PARP15: variants seen among roughly 807,000 people sequenced by gnomAD.
The protein encoded by PARP15 is protein mono-ADP-ribosyltransferase PARP15.
PARP15 carries 50 observed loss-of-function variants against 62.1 expected under a neutral mutation model. The ratio of observed to expected loss-of-function variants is 0.81; its 90% CI spans 0.64 to 1.02. The LOEUF (loss-of-function observed/expected upper bound fraction) is 1.02. Among genes scored for constraint, PARP15 ranks in the 50% least tolerant of loss-of-function variants. PARP15 has a pLI of 0.00. For missense variants in PARP15, 820 were observed against 826.5 expected (o/e 0.99, Z 0.10); for synonymous variants, 309 against 293.1 (o/e 1.05, Z -0.55).
intron 8 of PARP15, among the ~76,000 whole-genome samples, chr3:122,625,346 C>T (rs973441666): frequency 2.0e-5 from 3 of 152,122 alleles, no homozygotes; most frequent in Non-Finnish European, 4.4e-5. Flanking sequence ...CTCCACCTCC[C>T]TGGTTCAAGT....
intron 1 of PARP15, among the ~76,000 whole-genome samples, chr3:122,605,270 A>G (rs1351420480): frequency 6.6e-6 from 1 of 152,122 alleles, no homozygotes; most frequent in Non-Finnish European, 1.5e-5. Context: ...CAGCAAGCCA[A>G]ATGAGATTTG....
chr3:122,608,210 T>C (rs1182480983), intron 2 of PARP15, among the ~76,000 whole-genome samples: 2 of 140,898 alleles, frequency 1.4e-5, no homozygotes, highest in East Asian at 1.9e-4. Flanking sequence ...TTCTTTCTCT[T>C]TTCTTTTTTT....
intron 8 of PARP15, among the ~76,000 whole-genome samples, chr3:122,625,301 T>C (rs979041820): frequency 1.3e-5 from 2 of 152,196 alleles, no homozygotes; most frequent in Admixed American, 6.5e-5. Flanking sequence ...TCACCCAGGC[T>C]GGAGTTCAGT....
At chr3:122,615,545 C>T in intron 4 of PARP15, 2 of 1,142,088 alleles carry the variant, frequency 1.8e-6, no homozygotes, top group Middle Eastern at 2.2e-4. Context: ...CCCCTGCTGA[C>T]ATACTTGCCT....
intron 1 of PARP15, among the ~76,000 whole-genome samples, chr3:122,588,410 A>T (rs2107812516): frequency 6.6e-6 from 1 of 151,358 alleles, no homozygotes; most frequent in African/African-American, 2.4e-5. Flanking sequence ...CTTTATTAAG[A>T]TATAATTTAC....
At chr3:122,584,734 T>A (rs143354422) in intron 1 of PARP15, among the ~76,000 whole-genome samples, 164 of 152,136 alleles carry the variant, frequency 1.1e-3, no homozygotes, top group African/African-American at 3.8e-3. Flanking sequence ...TGTGTGACCA[T>A]GCCTGGCTAA....
In PARP15 at chr3:122,615,390, C is replaced by G. The variant is rs534394475; in HGVS notation, c.772-389C>G. The G allele has an allele frequency of 2.9e-5, 37 of 1,297,412 alleles. No individual in the cohort carries two copies. The East Asian group carries it at 1.3e-3, about 47-fold the overall frequency. 80.4% of individuals were successfully genotyped at this position (1,297,412 alleles called of 1,614,324 possible). Reference sequence around the variant, plus strand: ...AAAGATGCCAAGGAACGTTGTTGCCCTGCCCCCTGCTCACCTACAAATACT... The same window carrying G: ...AAAGATGCCAAGGAACGTTGTTGCCGTGCCCCCTGCTCACCTACAAATACT... On this transcript the variant is annotated intron_variant, in intron 4 of 11. Transcript: ENST00000464300.
chr3:122,621,790 T>A (rs1203998936), intron 8 of PARP15, among the ~76,000 whole-genome samples, 179 bp downstream of exon 8: 1 of 152,126 alleles, frequency 6.6e-6, no homozygotes. Flanking sequence ...GAAGCCTCTT[T>A]CCTCCATCTT....
In PARP15 at chr3:122,577,702, T is replaced by C. The variant is rs940589905; in HGVS notation, c.35T>C (p.Leu12Pro). Residue 12 changes from leucine (L) to proline (P), a missense_variant, in exon 1 of 12, where the codon CTG becomes CCG. By Grantham distance (98) the Leu-to-Pro change is moderately conservative. Transcript: ENST00000464300. ...CCAGGCCCCCTTCCTGCCGCTGCTC[T>C]GAGTCCAGGGGCTCCGACCCCCAGA... ...AAPGPLPAAA[L>P]SPGAPTPREL... is the part of the protein sequence containing the mutation. 6.4e-7 allele frequency: 1 copy of C among 1,551,670 alleles called. No homozygotes were observed. The highest frequency in any genetic ancestry group is 8.7e-7 in the Non-Finnish European group (1 of 1,146,960).
Position 122,580,045 on chromosome 3 carries a change from G to A in PARP15, c.186+2192G>A, listed in dbSNP as rs868178431. 5.1e-4 allele frequency among the ~76,000 whole-genome samples: 62 copies of A among 122,230 alleles called. 1 individual carries two copies. Among genetic ancestry groups the A allele is most frequent in the African/African-American group, 1.5e-3 (52 of 34,072 alleles). 80.2% of individuals were successfully genotyped at this position (122,230 alleles called of 152,430 possible). A position where few individuals can be genotyped will look rare whatever the true frequency, so the allele number is the denominator to read the frequency against. On this transcript the variant is annotated intron_variant, in intron 1 of 11. Transcript: ENST00000464300. ...TATATATATATATATATGCACGCGCGCACACACACACACAGAGACATTTGT... is the reference window on the plus strand; with the variant it reads ...TATATATATATATATATGCACGCGCACACACACACACACAGAGACATTTGT...
At position 122,613,282 on chromosome 3, in the gene PARP15, T is replaced by A. The variant is rs547652834; in HGVS notation, c.771+14T>A. The A allele has an allele frequency of 7.5e-5, 114 of 1,519,544 alleles. No individual in the cohort carries two copies. The African/African-American group carries it at 1.3e-3, about 17-fold the overall frequency. 94.1% of individuals were successfully genotyped at this position (1,519,544 alleles called of 1,614,324 possible). A position where few individuals can be genotyped will look rare whatever the true frequency, so the allele number is the denominator to read the frequency against. On this transcript the variant is annotated intron_variant, in intron 4 of 11. Transcript: ENST00000464300. Reference sequence around the variant, plus strand: ...GAAGGCTGTCAGGTATGGTTACATATCCCATCTGGTTAATTCTGGCAAGTG... The same window carrying A: ...GAAGGCTGTCAGGTATGGTTACATAACCCATCTGGTTAATTCTGGCAAGTG...
intron 1 of PARP15, among the ~76,000 whole-genome samples, chr3:122,584,851 T>C (rs1933294224): frequency 1.3e-5 from 2 of 152,186 alleles, no homozygotes; most frequent in African/African-American, 4.8e-5. Context: ...GTGCTGGGAT[T>C]ACAGGCATGA....
chr3:122,605,794 C>A (rs2107523336), intron 1 of PARP15, 142 bp from the exon 2 acceptor site: 1 of 721,718 alleles, frequency 1.4e-6, no homozygotes, highest in Non-Finnish European at 2.2e-6. Flanking sequence ...GTTGCCCAAG[C>A]TGTTCTTGAA....
At chr3:122,582,199 T>A (rs1356537358) in intron 1 of PARP15, among the ~76,000 whole-genome samples, 1 of 151,034 alleles carries the variant, frequency 6.6e-6, no homozygotes. Flanking sequence ...TGAAACAAGG[T>A]CTCCCTCTGT....
At chr3:122,586,299 T>G (rs574527974) in intron 1 of PARP15, among the ~76,000 whole-genome samples, 3 of 152,174 alleles carry the variant, frequency 2.0e-5, no homozygotes, top group African/African-American at 7.2e-5. Flanking sequence ...CTGGAACTCC[T>G]GTGTTCAAGT....
rs535611677 is a variant in PARP15 at position 122,632,364 on chromosome 3, C to A, written c.1572+145C>A. 9.4e-4 allele frequency: 728 copies of A among 773,314 alleles called. 11 individuals carry two copies. In the South Asian group the frequency reaches 0.012, roughly 13 times the overall value. 47.9% of individuals were successfully genotyped at this position (773,314 alleles called of 1,614,324 possible). A position where few individuals can be genotyped will look rare whatever the true frequency, so the allele number is the denominator to read the frequency against. The stretch of plus-strand genomic sequence containing the variant: ...AGACTTACTCAAGTTCCATAGACTT[C>A]AAATCTCATAGTTTATTCATTAGCA... On this transcript the variant is annotated intron_variant, in intron 10 of 11. Transcript: ENST00000464300.
intron 1 of PARP15, among the ~76,000 whole-genome samples, chr3:122,593,090 G>GTCTGTCTATCTATCTATCTA (rs1553727450): frequency 1.6e-4 from 24 of 147,866 alleles, no homozygotes; most frequent in Admixed American, 6.8e-4. Context: ...AAAATTATCT[G>GTCTGTCTATCTATCTATCTA]TCTATCTATC....
At chr3:122,612,988 G>GT (rs1466314906) in intron 3 of PARP15, 53 bp from the exon 4 acceptor site, 1 of 1,460,504 alleles carries the variant, frequency 6.8e-7, no homozygotes, top group African/African-American at 1.4e-5. Context: ...AACTCTTTCT[G>GT]TTTTCCGCTA....
In PARP15 at chr3:122,635,916, T is replaced by C. The variant is rs1322604313; in HGVS notation, c.1853T>C (p.Val618Ala). Reference sequence around the variant, plus strand: ...AATGGGAGAAAGCACATGTACGTTGTGCGAGTACTTACTGGAGTCTTCACA... The same window carrying C: ...AATGGGAGAAAGCACATGTACGTTGCGCGAGTACTTACTGGAGTCTTCACA... Reference protein sequence around the residue: ...DSNGRKHMYVVRVLTGVFTKG... With the variant: ...DSNGRKHMYVARVLTGVFTKG... Residue 618 changes from valine (V) to alanine (A), a missense_variant, in exon 12 of 12, where the codon GTG (valine) becomes GCG (alanine). Coordinates refer to ENST00000464300, the MANE Select transcript of PARP15 (RefSeq NM_001113523.3). The C allele has an allele frequency of 1.2e-6, 2 of 1,614,166 alleles. No individual in the cohort carries two copies. Among genetic ancestry groups the C allele is most frequent in the Non-Finnish European group, 1.7e-6 (2 of 1,180,010 alleles).
Sources: gnomAD v4.1 joint callset for allele counts (sites outside exome capture counted in the v4.1 genomes callset) on GRCh38, gnomAD v4.1.1 for gene constraint, MANE v1.5 for transcripts, NCBI Gene and HGNC (gene_info 2026-07-23, HGNC 2026-07-21) for gene names.